ZBTB44: variants seen among roughly 807,000 people sequenced by gnomAD.
ZBTB44 encodes the protein zinc finger and BTB domain containing 44.
ZBTB44 carries 15 observed loss-of-function variants against 54.0 expected under a neutral mutation model. The observed-to-expected ratio is 0.28, with a 90% CI of 0.19 to 0.43. The LOEUF is 0.43. Ranked by LOEUF, ZBTB44 falls within the 20% of genes least tolerant of loss-of-function variation. ZBTB44 has a pLI of 1.00. For missense variants in ZBTB44, 487 were observed against 707.1 expected (o/e 0.69, Z 3.53); for synonymous variants, 230 against 250.1 (o/e 0.92, Z 0.76).
At chr11:130,236,110 A>G (rs1000849689) in intron 5 of ZBTB44, 34 of 1,281,474 alleles carry the variant, frequency 2.7e-5, no homozygotes, top group Admixed American at 1.6e-4. Context: ...TAAAGCTTAC[A>G]TTTTATCTTT....
intron 1 of ZBTB44, among the ~76,000 whole-genome samples, chr11:130,280,734 T>C (rs1230933841): frequency 6.6e-6 from 1 of 152,246 alleles, no homozygotes; most frequent in Admixed American, 6.5e-5. Context: ...CGTTGACTTG[T>C]TCCTGTCATT....
chr11:130,240,041 ATT>A (rs11449622), intron 2 of ZBTB44, 145 bp from the exon 3 acceptor site: 3,511 of 318,690 alleles, frequency 0.011, no homozygotes, highest in East Asian at 0.017. Flanking sequence ...AGTGTTCTAC[ATT>A]TTTTTTTTTT....
chr11:130,250,507 A>G (rs1440010173), intron 2 of ZBTB44, among the ~76,000 whole-genome samples: 2 of 152,154 alleles, frequency 1.3e-5, no homozygotes, highest in Non-Finnish European at 2.9e-5. Flanking sequence ...AACAGGGGTG[A>G]CAGACACCTC....
intron 1 of ZBTB44, among the ~76,000 whole-genome samples, chr11:130,277,591 T>C (rs1940197448): frequency 6.6e-6 from 1 of 152,138 alleles, no homozygotes; most frequent in South Asian, 2.1e-4. Context: ...GGGATCAGCA[T>C]TACATATATG....
intron 2 of ZBTB44, 36 bp downstream of exon 2, chr11:130,260,819 CT>C: frequency 6.5e-7 from 1 of 1,539,688 alleles, no homozygotes; most frequent in Non-Finnish European, 8.7e-7. Context: ...TTTGAATTGA[CT>C]TTATAGCACC....
intron 5 of ZBTB44, 96 bp from the exon 6 acceptor site, chr11:130,234,369 G>C (rs1448331916): frequency 8.0e-7 from 1 of 1,248,780 alleles, no homozygotes; most frequent in Non-Finnish European, 1.1e-6. Context: ...ACAAAATTGG[G>C]ACTCTTCATT....
At chr11:130,302,003 G>A (rs556537036) in intron 1 of ZBTB44, among the ~76,000 whole-genome samples, 17 of 148,168 alleles carry the variant, frequency 1.1e-4, no homozygotes, top group African/African-American at 4.2e-4. Flanking sequence ...AATGAGCCAC[G>A]ATCACACCAC....
At chr11:130,311,344 G>C (rs1444910913) in intron 1 of ZBTB44, among the ~76,000 whole-genome samples, 1 of 152,070 alleles carries the variant, frequency 6.6e-6, no homozygotes, top group Non-Finnish European at 1.5e-5. Flanking sequence ...GAGCAGCTGG[G>C]AACACAGGCA....
chr11:130,261,350 G>A lies in ZBTB44; in HGVS notation c.524C>T (p.Pro175Leu). 1 of 1,613,956 alleles carries A rather than the reference G, an allele frequency of 6.2e-7. No individual in the cohort carries two copies. Among genetic ancestry groups the A allele is most frequent in the Non-Finnish European group, 8.5e-7 (1 of 1,179,886 alleles). ...CTTTCTCCGGGATTCTCGGCAGACA[G>A]GAATGGTTCTTTCTACCACACTGCA... Reference protein sequence around the residue: ...SECSVVERTIPVCRESRRKRK... With the variant: ...SECSVVERTILVCRESRRKRK... Residue 175 changes from proline to leucine, a missense_variant, in exon 2 of 8, where the codon CCT becomes CTT. Physicochemically the swap from Pro to Leu is moderately conservative, Grantham distance 98. Coordinates refer to ENST00000357899, the MANE Select transcript of ZBTB44 (RefSeq NM_001301098.2). The surrounding 1 kb of genome is among the most constrained non-coding windows in gnomAD (Gnocchi z 4.8).
At chr11:130,260,336 T>C (rs993056293) in intron 2 of ZBTB44, among the ~76,000 whole-genome samples, 71 of 152,250 alleles carry the variant, frequency 4.7e-4, no homozygotes, top group African/African-American at 1.7e-3. Flanking sequence ...GGGTAAACTC[T>C]TACTTATTGC....
At chr11:130,281,548 T>A (rs1940509181) in intron 1 of ZBTB44, among the ~76,000 whole-genome samples, 1 of 150,972 alleles carries the variant, frequency 6.6e-6, no homozygotes, top group Admixed American at 6.6e-5. Context: ...AATAAATAAA[T>A]AAATAAATAA....
intron 1 of ZBTB44, among the ~76,000 whole-genome samples, chr11:130,311,260 G>T (rs1942584836): frequency 1.3e-5 from 2 of 151,458 alleles, no homozygotes; most frequent in African/African-American, 4.9e-5. Flanking sequence ...AGGCTGAAGT[G>T]CAGTGGGGTA....
chr11:130,287,161 GC>G (rs1159966568), intron 1 of ZBTB44, among the ~76,000 whole-genome samples: 2 of 152,072 alleles, frequency 1.3e-5, no homozygotes, highest in African/African-American at 4.8e-5. Context: ...ACCTTCAATT[GC>G]TCAGTCACCC....
intron 1 of ZBTB44, chr11:130,296,485 G>T: frequency 9.9e-7 from 1 of 1,011,646 alleles, no homozygotes; most frequent in Non-Finnish European, 1.5e-6. Context: ...GGAACACATT[G>T]TGTACGGATG....
At chr11:130,268,895 G>A (rs1345028882) in intron 1 of ZBTB44, among the ~76,000 whole-genome samples, 1 of 151,068 alleles carries the variant, frequency 6.6e-6, no homozygotes, top group African/African-American at 2.4e-5. Context: ...TTTTAAGAGA[G>A]AGAGAGAGAG....
chr11:130,234,079 A>G lies in ZBTB44; in HGVS notation c.1686+77T>C, dbSNP rs751369080. Reference sequence around the variant, plus strand: ...AGCACTGCTCTTTGGCTGCTCTGGCACTTCTTCCTCTTTTTCTGCCAGCCC... The same window carrying G: ...AGCACTGCTCTTTGGCTGCTCTGGCGCTTCTTCCTCTTTTTCTGCCAGCCC... On this transcript the variant is annotated intron_variant, in intron 6 of 7. Coordinates refer to ENST00000357899, the MANE Select transcript of ZBTB44 (RefSeq NM_001301098.2). 64 of 1,533,208 alleles carry G rather than the reference A, an allele frequency of 4.2e-5. 1 individual carries two copies. The highest frequency in any genetic ancestry group is 3.4e-4 in the Middle Eastern group (2 of 5,848). 95.0% of individuals were successfully genotyped at this position (1,533,208 alleles called of 1,614,324 possible).
intron 2 of ZBTB44, among the ~76,000 whole-genome samples, chr11:130,248,921 T>C (rs1937756373): frequency 6.6e-6 from 1 of 152,000 alleles, no homozygotes; most frequent in South Asian, 2.1e-4. Flanking sequence ...CTGGCCCACA[T>C]GGTGAAACTC....
At chr11:130,238,098 C>G (rs1342748910) in intron 4 of ZBTB44, among the ~76,000 whole-genome samples, 1 of 152,178 alleles carries the variant, frequency 6.6e-6, no homozygotes, top group Non-Finnish European at 1.5e-5. Flanking sequence ...ATAAGAAGAA[C>G]AGCACAAAGA....
intron 2 of ZBTB44, among the ~76,000 whole-genome samples, chr11:130,241,519 G>T (rs1399187395): frequency 6.6e-6 from 1 of 152,072 alleles, no homozygotes; most frequent in African/African-American, 2.4e-5. Flanking sequence ...CATATTTACG[G>T]AATCTCCCTT....
Sources: gnomAD v4.1 joint callset for allele counts (sites outside exome capture counted in the v4.1 genomes callset) on GRCh38, gnomAD v4.1.1 for gene constraint, Gnocchi (gnomAD v3.1) non-coding constraint, MANE v1.5 for transcripts, NCBI Gene and HGNC (gene_info 2026-07-23, HGNC 2026-07-21) for gene names.